The following ABCA4 variants were observed in gnomAD, a reference collection of about 807,000 sequenced individuals.
ABCA4 encodes the protein retinal-specific phospholipid-transporting ATPase ABCA4.
ABCA4 carries 196 observed loss-of-function variants against 263.7 expected under a neutral mutation model. The ratio of observed to expected loss-of-function variants is 0.74; its 90% CI spans 0.66 to 0.84. ABCA4 has a LOEUF of 0.84. ABCA4 is among the 40% of genes least tolerant of loss of function. ABCA4 has a pLI of 0.00. For missense variants in ABCA4, 2,792 were observed against 2,855.1 expected (o/e 0.98, Z 0.50); for synonymous variants, 1,133 against 1,094.2 (o/e 1.04, Z -0.70).
chr1:94,098,144 A>G (rs1372931462), intron 6 of ABCA4, among the ~76,000 whole-genome samples: 1 of 152,168 alleles, frequency 6.6e-6, no homozygotes, highest in East Asian at 1.9e-4. Flanking sequence ...TCCTTCTAGC[A>G]AAGGAGGAGA....
intron 30 of ABCA4, among the ~76,000 whole-genome samples, chr1:94,027,472 G>A (rs778867467): frequency 6.6e-6 from 1 of 152,182 alleles, no homozygotes; most frequent in Non-Finnish European, 1.5e-5. Flanking sequence ...AAGCAAACAA[G>A]CAAAGCTTCC....
intron 11 of ABCA4, among the ~76,000 whole-genome samples, chr1:94,074,604 A>G (rs1200546667): frequency 6.6e-6 from 1 of 152,256 alleles, no homozygotes; most frequent in East Asian, 1.9e-4. Flanking sequence ...AATTTTTGTA[A>G]TCTACCCATC....
At chr1:94,009,887 GACA>G (rs1389172798) in intron 40 of ABCA4, among the ~76,000 whole-genome samples, 3 of 152,192 alleles carry the variant, frequency 2.0e-5, no homozygotes, top group Admixed American at 1.3e-4. Context: ...GGGTGCCAAG[GACA>G]ACAATTCCTG....
chr1:94,041,089 G>T, intron 23 of ABCA4, 120 bp downstream of exon 23: 2 of 1,071,392 alleles, frequency 1.9e-6, no homozygotes, highest in Non-Finnish European at 2.8e-6. Context: ...AATGGTCCCA[G>T]AACAAAGACA....
rs944665840 is a variant in ABCA4, at chr1:94,112,124, C to T, written c.161-545G>A. Reference sequence around the variant, plus strand: ...TAGAGGACTGGGCAGATTTGCATAACGCTTGAGGCTTCCACATTCACCACA... The same window carrying T: ...TAGAGGACTGGGCAGATTTGCATAATGCTTGAGGCTTCCACATTCACCACA... On this transcript the variant is annotated intron_variant, in intron 2 of 49. Transcript: ENST00000370225. Among the ~76,000 whole-genome samples the T allele has an allele frequency of 8.5e-5, 13 of 152,266 alleles. 1 individual carries two copies. The highest frequency in any genetic ancestry group is 2.6e-4 in the Admixed American group (4 of 15,296).
Position 94,010,799 on chromosome 1 carries a change from CCA to C in ABCA4, c.5713_5714del (p.Trp1905AspfsTer6). 1 of 1,614,100 alleles carries C rather than the reference CCA, an allele frequency of 6.2e-7. No individual in the cohort carries two copies. The highest frequency in any genetic ancestry group is 1.1e-5 in the South Asian group (1 of 91,076). On this transcript the variant is annotated frameshift_variant and splice_region_variant, in exon 40 of 50. Transcript: ENST00000370225. LOFTEE classifies it high-confidence loss of function. ...TGGCCCAGGGTGTGGCATGGACGTACCATTGGGAGAGGAAGAAGTGGCGCTGG... is the reference window on the plus strand; with the variant it reads ...TGGCCCAGGGTGTGGCATGGACGTACTTGGGAGAGGAAGAAGTGGCGCTGG... ...LVQRHFFLSQ[W>X]IAEPTKEPIV...
intron 7 of ABCA4, among the ~76,000 whole-genome samples, chr1:94,083,022 G>A (rs1661741638): frequency 6.6e-6 from 1 of 152,212 alleles, no homozygotes. Flanking sequence ...TTTTAAGACT[G>A]TAACAGAATA....
In ABCA4 at chr1:94,019,592, A is replaced by G. The variant is rs61750567; in HGVS notation, c.5186T>C (p.Leu1729Pro). 1.9e-6 allele frequency: 3 copies of G among 1,606,640 alleles called. No homozygotes were observed. In the African/African-American group the frequency reaches 4.0e-5, roughly 21 times the overall value. Residue 1729 changes from leucine (L) to proline (P), a missense_variant, in exon 36 of 50, where the codon CTC (leucine) becomes CCC (proline). Physicochemically the swap from Leu to Pro is moderately conservative, Grantham distance 98. Transcript: ENST00000370225. ...TAAACTGACACTTACGATGTCCCAG[A>G]GGAAGTTGGTCACCCAGTAGGTGGT... ...SPTTYWVTNFLWDIMNYSVSA... is the reference protein window; with the variant it reads ...SPTTYWVTNFPWDIMNYSVSA...
In ABCA4 at chr1:94,079,378, T is replaced by A; in HGVS notation, c.1183A>T (p.Met395Leu). The A allele has an allele frequency of 6.2e-7, 1 of 1,614,174 alleles. No individual in the cohort carries two copies. The highest frequency in any genetic ancestry group is 8.5e-7 in the Non-Finnish European group (1 of 1,180,030). ...IAWRAAKPLL[M>L]GKILYTPDSP... is the part of the protein sequence containing the mutation. ...TCAGGAGTGTACAGGATTTTTCCCA[T>A]CAGCAAAGGCTTTGCCGCCCTCCAA... is the stretch of plus-strand genomic sequence containing the variant. The change falls in exon 9 of 50, where the codon ATG becomes TTG. Residue 395 changes from methionine (M) to leucine (L), a missense_variant. Coordinates refer to ENST00000370225, the MANE Select transcript of ABCA4 (RefSeq NM_000350.3).
intron 18 of ABCA4, among the ~76,000 whole-genome samples, 182 bp from the exon 19 acceptor site, chr1:94,047,275 C>T (rs1029671138): frequency 6.6e-6 from 1 of 152,230 alleles, no homozygotes; most frequent in African/African-American, 2.4e-5. Flanking sequence ...GTTTATACAG[C>T]ACCTCCTATA....
intron 19 of ABCA4, chr1:94,045,728 TG>T (rs1660652269): frequency 2.2e-6 from 1 of 456,098 alleles, no homozygotes; most frequent in Admixed American, 2.3e-5. Flanking sequence ...CCAATTAGAA[TG>T]GCACCGGCCC....
chr1:94,062,156 T>C (rs181095854), intron 13 of ABCA4, among the ~76,000 whole-genome samples: 19 of 152,232 alleles, frequency 1.2e-4, no homozygotes, highest in Non-Finnish European at 2.4e-4. Context: ...GGGGCTGCAT[T>C]ATTCCAGGGC....
chr1:94,022,595 G>A (rs746582159), intron 32 of ABCA4, among the ~76,000 whole-genome samples: 2 of 152,208 alleles, frequency 1.3e-5, no homozygotes, highest in African/African-American at 2.4e-5. Context: ...TGCCCTGGAA[G>A]TCTGAAGTGA....
At chr1:94,030,950 G>T (rs760962520) in intron 28 of ABCA4, 46 bp downstream of exon 28, 1 of 1,613,032 alleles carries the variant, frequency 6.2e-7, no homozygotes, top group African/African-American at 1.3e-5. Context: ...TGTGACCCAG[G>T]TGCCCCAAAC....
At chr1:94,029,882 C>G (rs1482546255) in intron 29 of ABCA4, among the ~76,000 whole-genome samples, 4 of 152,172 alleles carry the variant, frequency 2.6e-5, no homozygotes, top group Non-Finnish European at 5.9e-5. Flanking sequence ...CCTAGCAGCT[C>G]TAGCTGTTGA....
chr1:94,007,804 A>G, intron 42 of ABCA4, 64 bp from the exon 43 acceptor site: 2 of 1,469,010 alleles, frequency 1.4e-6, no homozygotes, highest in African/African-American at 1.4e-5. Flanking sequence ...GTCAGGCCCC[A>G]GGGTAAGTGT....
At chr1:94,023,146 T>G (rs1278751394) in intron 32 of ABCA4, among the ~76,000 whole-genome samples, 2 of 152,164 alleles carry the variant, frequency 1.3e-5, no homozygotes, top group Admixed American at 1.3e-4. Context: ...GAGAATGCTC[T>G]GAAACGCCAC....
chr1:94,012,651 T>TC (rs1361232485), intron 38 of ABCA4, among the ~76,000 whole-genome samples: 2 of 152,114 alleles, frequency 1.3e-5, no homozygotes. Flanking sequence ...CCACCACGGC[T>TC]CCCCCAGCCC....
rs201387193 is a variant in ABCA4, at chr1:94,113,065, A to T, written c.68T>A (p.Ile23Asn). 1.2e-6 allele frequency: 2 copies of T among 1,614,026 alleles called. No homozygotes were observed. Among genetic ancestry groups the T allele is most frequent in the East Asian group, 2.2e-5 (1 of 44,870 alleles). Residue 23 changes from isoleucine (I) to asparagine (N), a missense_variant and splice_region_variant, in exon 2 of 50, where the codon ATT becomes AAT. Transcript: ENST00000370225. ...KNWTLRKRQK[I>N]RFVVELVWPL... The stretch of plus-strand genomic sequence containing the variant: ...CCACACGAGTTCCACCACAAAGCGA[A>T]TCTGGAAAAACAAAACAAAAAGAGA...
Sources: allele counts gnomAD v4.1 joint callset (sites outside exome capture counted in the v4.1 genomes callset), GRCh38; gene constraint gnomAD v4.1.1; transcripts MANE v1.5; gene names NCBI Gene and HGNC (gene_info 2026-07-23, HGNC 2026-07-21).